Variants in FAT3 observed in about 807,000 individuals in gnomAD.
The protein encoded by FAT3 is protocadherin Fat 3.
A neutral mutation model predicts 310.2 loss-of-function variants in FAT3; 95 were observed. The observed-to-expected ratio is 0.31, with a 90% confidence interval of 0.26 to 0.36. The LOEUF is 0.36. Among genes scored for constraint, FAT3 ranks in the 10% least tolerant of loss-of-function variants. The pLI, the probability that FAT3 is intolerant of heterozygous loss-of-function variation, is 1.00. For missense variants in FAT3, 5,408 were observed against 5,715.6 expected, an observed-to-expected ratio of 0.95 and a Z score of 1.74; for synonymous variants, 2,314 against 2,192.9, an observed-to-expected ratio of 1.06 and a Z score of -1.54.
chr11:92,847,631 T>C (rs1396026882), intron 19 of FAT3, among the ~76,000 whole-genome samples: 1 of 152,090 alleles, frequency 6.6e-6, no homozygotes, highest in Non-Finnish European at 1.5e-5. Flanking sequence ...ATATGGACAG[T>C]TGGGGTGGAG....
At chr11:92,565,209 C>A (rs1464964384) in intron 3 of FAT3, among the ~76,000 whole-genome samples, 1 of 149,974 alleles carries the variant, frequency 6.7e-6, no homozygotes, top group African/African-American at 2.4e-5. Flanking sequence ...GGGGATATCA[C>A]CACCGATCCC....
intron 1 of FAT3, among the ~76,000 whole-genome samples, chr11:92,330,999 TGTGTGA>T (rs1375639653): frequency 1.0e-4 from 12 of 117,950 alleles, no homozygotes; most frequent in African/African-American, 4.6e-4. Context: ...TGTGTGTGTG[TGTGTGA>T]GAGAGAGAGA....
chr11:92,467,688 A>G (rs922427460), intron 2 of FAT3, among the ~76,000 whole-genome samples: 1 of 152,166 alleles, frequency 6.6e-6, no homozygotes, highest in African/African-American at 2.4e-5. Flanking sequence ...AGCACCCAGA[A>G]CAAACCACTT....
At chr11:92,620,094 C>T (rs559929500) in intron 3 of FAT3, among the ~76,000 whole-genome samples, 1 of 152,056 alleles carries the variant, frequency 6.6e-6, no homozygotes, top group South Asian at 2.1e-4. Context: ...CTTAGTATTT[C>T]TACCTACATT....
intron 1 of FAT3, among the ~76,000 whole-genome samples, chr11:92,314,690 G>A (rs951318650): frequency 1.3e-5 from 2 of 152,148 alleles, no homozygotes; most frequent in Non-Finnish European, 2.9e-5. Flanking sequence ...CTAGGGAACT[G>A]AATGTCCCAA....
At chr11:92,563,423 A>G (rs1031760160) in intron 3 of FAT3, among the ~76,000 whole-genome samples, 1 of 152,212 alleles carries the variant, frequency 6.6e-6, no homozygotes, top group African/African-American at 2.4e-5. Flanking sequence ...TGACTGAAAC[A>G]TAGATTTATA....
intron 19 of FAT3, among the ~76,000 whole-genome samples, chr11:92,848,916 C>A (rs1285086624): frequency 6.6e-6 from 1 of 152,148 alleles, no homozygotes; most frequent in South Asian, 2.1e-4. Flanking sequence ...GATTCCAAAC[C>A]AAAGGGCATG....
chr11:92,508,848 T>C (rs990153486), intron 2 of FAT3, among the ~76,000 whole-genome samples: 5 of 152,170 alleles, frequency 3.3e-5, no homozygotes, highest in Non-Finnish European at 5.9e-5. Flanking sequence ...ATGGCTAATA[T>C]CTGACAGCAC....
chr11:92,436,443 C>A (rs1029852306), intron 2 of FAT3, among the ~76,000 whole-genome samples: 3 of 152,156 alleles, frequency 2.0e-5, no homozygotes, highest in Admixed American at 6.5e-5. Context: ...TGCTTGGCCT[C>A]TCCCTTTAGT....
At position 92,844,577 on chromosome 11, in the gene FAT3, C is replaced by T; in HGVS notation, c.11210C>T (p.Ala3737Val). The T allele has an allele frequency of 6.2e-7, 1 of 1,613,966 alleles. No individual in the cohort carries two copies. The highest frequency in any genetic ancestry group is 1.1e-5 in the South Asian group (1 of 91,036). Reference protein sequence around the residue: ...RHLENIMRISAILEKNCSGLD... With the variant: ...RHLENIMRISVILEKNCSGLD... ...CTGGAGAATATCATGCGCATCTCAGCCATCTTGGAGAAGAACTGCTCAGGG... is the reference window on the plus strand; with the variant it reads ...CTGGAGAATATCATGCGCATCTCAGTCATCTTGGAGAAGAACTGCTCAGGG... Residue 3737 changes from alanine to valine, a missense_variant, in exon 19 of 28, where the codon GCC becomes GTC. Coordinates refer to ENST00000525166, the MANE Select transcript of FAT3 (RefSeq NM_001367949.2).
At chr11:92,793,534 T>G (rs1947089907) in intron 9 of FAT3, among the ~76,000 whole-genome samples, 1 of 152,142 alleles carries the variant, frequency 6.6e-6, no homozygotes, top group Non-Finnish European at 1.5e-5. Flanking sequence ...GGCTCTTGTT[T>G]TGTTAAATTT....
At chr11:92,637,527 C>A (rs1317888019) in intron 3 of FAT3, among the ~76,000 whole-genome samples, 2 of 152,242 alleles carry the variant, frequency 1.3e-5, no homozygotes, top group Non-Finnish European at 2.9e-5. Flanking sequence ...ACTGCAGAAT[C>A]TCTCTGTCAT....
At chr11:92,404,986 C>T (rs999201697) in intron 2 of FAT3, among the ~76,000 whole-genome samples, 1 of 152,084 alleles carries the variant, frequency 6.6e-6, no homozygotes, top group Non-Finnish European at 1.5e-5. Context: ...AATTATACCA[C>T]CGACTTTCCT....
intron 2 of FAT3, among the ~76,000 whole-genome samples, chr11:92,456,679 A>C (rs1324890537): frequency 2.0e-5 from 3 of 152,366 alleles, no homozygotes; most frequent in East Asian, 3.9e-4. Context: ...TTTAAAAAAT[A>C]GAATTATACT....
intron 3 of FAT3, among the ~76,000 whole-genome samples, chr11:92,662,123 A>C (rs544088755): frequency 6.6e-6 from 1 of 152,348 alleles, no homozygotes; most frequent in South Asian, 2.1e-4. Flanking sequence ...TTTTATTACC[A>C]GAGTCTAAGG....
At position 92,355,042 on chromosome 11, in the gene FAT3, A is replaced by G. The variant is rs777521459; in HGVS notation, c.2930A>G (p.Asn977Ser). 2.4e-5 allele frequency: 39 copies of G among 1,613,654 alleles called. No individual in the cohort carries two copies. Among genetic ancestry groups the G allele is most frequent in the Non-Finnish European group, 3.1e-5 (36 of 1,179,858 alleles). The change falls in exon 2 of 28, where the codon AAT becomes AGT. Residue 977 changes from asparagine to serine, a missense_variant. Physicochemically the swap from Asn to Ser is conservative, Grantham distance 46 (BLOSUM62 1). Coordinates refer to ENST00000525166, the MANE Select transcript of FAT3 (RefSeq NM_001367949.2). ...LGGQVRYSLV[N>S]DYNGRFEIDK... Reference sequence around the variant, plus strand: ...GGTCAAGTGCGCTATTCTTTGGTCAATGACTATAATGGGAGATTTGAAATA... The same window carrying G: ...GGTCAAGTGCGCTATTCTTTGGTCAGTGACTATAATGGGAGATTTGAAATA...
At chr11:92,377,393 T>C (rs1379167616) in intron 2 of FAT3, among the ~76,000 whole-genome samples, 1 of 152,170 alleles carries the variant, frequency 6.6e-6, no homozygotes, top group African/African-American at 2.4e-5. Flanking sequence ...ACTTGTTCAG[T>C]CACTAAGTTC....
At chr11:92,289,779 G>A (rs1591060034) in intron 1 of FAT3, among the ~76,000 whole-genome samples, 1 of 152,090 alleles carries the variant, frequency 6.6e-6, no homozygotes, top group East Asian at 1.9e-4. Flanking sequence ...TATTGCAGTA[G>A]CCTCTTTACT....
intron 4 of FAT3, among the ~76,000 whole-genome samples, chr11:92,746,495 G>T (rs1017535806): frequency 6.6e-6 from 1 of 152,086 alleles, no homozygotes; most frequent in Non-Finnish European, 1.5e-5. Flanking sequence ...GATTTGGGTG[G>T]GGATATGGCC....
Sources: allele counts gnomAD v4.1 joint callset (sites outside exome capture counted in the v4.1 genomes callset), GRCh38; gene constraint gnomAD v4.1.1; transcripts MANE v1.5; gene names NCBI Gene and HGNC (gene_info 2026-07-23, HGNC 2026-07-21).